DLGAP4: variants seen among roughly 807,000 people sequenced by gnomAD.
DLGAP4 encodes the protein disks large-associated protein 4.
Under a neutral mutation model 86.9 loss-of-function variants are expected in DLGAP4, and 18 were observed. That is an observed-to-expected ratio of 0.21 (90% CI 0.14 to 0.31). The LOEUF is 0.31. DLGAP4 is among the 10% of genes least tolerant of loss of function. The probability of loss-of-function intolerance (pLI) is 1.00; values close to 1 mark genes in which losing one functional copy is unlikely to be tolerated. For synonymous variants in DLGAP4, 548 were observed against 574.3 expected (o/e 0.95, Z 0.65); for missense variants, 1,085 against 1,362.6 (o/e 0.80, Z 3.21).
intron 2 of DLGAP4, among the ~76,000 whole-genome samples, chr20:36,388,186 G>A (rs370715610): frequency 6.6e-5 from 10 of 152,272 alleles, no homozygotes; most frequent in African/African-American, 1.9e-4. Context: ...AAGCCTCCCC[G>A]TCCCCACTTC....
At chr20:36,517,562 C>T (rs2018189129) in intron 10 of DLGAP4, among the ~76,000 whole-genome samples, 3 of 152,008 alleles carry the variant, frequency 2.0e-5, no homozygotes, top group Admixed American at 1.3e-4. Context: ...CCACCGTGCC[C>T]GGCCTAGTAG....
At chr20:36,436,055 G>C (rs543510218) in intron 3 of DLGAP4, 54 bp from the exon 4 acceptor site, 4 of 1,492,114 alleles carry the variant, frequency 2.7e-6, no homozygotes, top group Non-Finnish European at 1.8e-6. Flanking sequence ...GGGGGTTCTC[G>C]CCATCTGCTC....
intron 2 of DLGAP4, among the ~76,000 whole-genome samples, chr20:36,414,245 T>C (rs958368833): frequency 6.6e-6 from 1 of 152,170 alleles, no homozygotes; most frequent in South Asian, 2.1e-4. Context: ...GGGGTGATCC[T>C]GGTCCATCCA....
In DLGAP4 at chr20:36,500,850, C is replaced by A. The variant is rs2147779688; in HGVS notation, c.2512+239C>A. 6.6e-6 allele frequency among the ~76,000 whole-genome samples: 1 copy of A among 152,264 alleles called. No individual in the cohort carries two copies. The highest frequency in any genetic ancestry group is 1.9e-4 in the East Asian group (1 of 5,180). ...GTTTGTTGTGCAGGCTGTGAGGCCACCCACACCTGGGTTTGAATCCCAGCT... is the reference window on the plus strand; with the variant it reads ...GTTTGTTGTGCAGGCTGTGAGGCCAACCACACCTGGGTTTGAATCCCAGCT... On this transcript the variant is annotated intron_variant, in intron 10 of 12. Transcript: ENST00000339266. The surrounding 1 kb of genome is among the most constrained non-coding windows in gnomAD (Gnocchi z 4.6).
At chr20:36,437,168 A>C (rs140847261) in intron 4 of DLGAP4, among the ~76,000 whole-genome samples, 25 of 152,276 alleles carry the variant, frequency 1.6e-4, no homozygotes, top group African/African-American at 5.5e-4. Flanking sequence ...CCTCCATGAG[A>C]TCCTCAGGTT....
At chr20:36,365,530 C>T (rs1402781519) in intron 1 of DLGAP4, among the ~76,000 whole-genome samples, 3 of 152,180 alleles carry the variant, frequency 2.0e-5, no homozygotes, top group African/African-American at 4.8e-5. Context: ...GAGGCTGCAT[C>T]GTCCTGGAGT....
intron 1 of DLGAP4, among the ~76,000 whole-genome samples, chr20:36,333,098 C>T (rs2065286820): frequency 6.6e-6 from 1 of 152,052 alleles, no homozygotes; most frequent in South Asian, 2.1e-4. Flanking sequence ...AACGACTGAA[C>T]ATTTGTTCTG....
At chr20:36,368,568 A>G (rs1385580631) in intron 2 of DLGAP4, among the ~76,000 whole-genome samples, 1 of 152,178 alleles carries the variant, frequency 6.6e-6, no homozygotes, top group Non-Finnish European at 1.5e-5. Flanking sequence ...CTCCCGACCC[A>G]GCTCCTAGTC....
intron 1 of DLGAP4, among the ~76,000 whole-genome samples, chr20:36,329,887 C>T (rs1476314002): frequency 1.3e-5 from 2 of 152,086 alleles, no homozygotes; most frequent in Non-Finnish European, 2.9e-5. Flanking sequence ...AAAAATTAGC[C>T]AGGCATGGTG....
rs1172218931 is a variant in DLGAP4 at position 36,518,377 on chromosome 20, TTTG to T, written c.2513-5870_2513-5868del. Among the ~76,000 whole-genome samples the T allele has an allele frequency of 2.8e-4, 43 of 152,210 alleles. 1 individual carries two copies. Among genetic ancestry groups the T allele is most frequent in the Non-Finnish European group, 1.6e-4 (11 of 68,044 alleles). ...TTTGATCTTGATCAGTCTGACAGGGTTTGTTAATTTTATTAATCCTCTTATTTT... is the reference window on the plus strand; with the variant it reads ...TTTGATCTTGATCAGTCTGACAGGGTTTAATTTTATTAATCCTCTTATTTT... On this transcript the variant is annotated intron_variant, in intron 10 of 12. Transcript: ENST00000339266.
At chr20:36,315,050 GCCCCCC>G (rs1569451850) in intron 1 of DLGAP4, among the ~76,000 whole-genome samples, 4 of 140,426 alleles carry the variant, frequency 2.8e-5, no homozygotes, top group Admixed American at 7.0e-5. Flanking sequence ...GGTGTGTTGC[GCCCCCC>G]CGTGTGTGGT....
chr20:36,501,955 A>G (rs2036161232), intron 10 of DLGAP4, among the ~76,000 whole-genome samples: 1 of 152,202 alleles, frequency 6.6e-6, no homozygotes, highest in Non-Finnish European at 1.5e-5. Context: ...GAAAACATCC[A>G]GCCCACCGCC....
chr20:36,375,768 A>G (rs1236230903), intron 2 of DLGAP4, among the ~76,000 whole-genome samples: 2 of 152,012 alleles, frequency 1.3e-5, no homozygotes, highest in Non-Finnish European at 2.9e-5. Context: ...GGCAGGAGGG[A>G]GTGAGGGATG....
chr20:36,446,616 C>A, intron 6 of DLGAP4, 81 bp from the exon 7 acceptor site: 1 of 1,382,138 alleles, frequency 7.2e-7, no homozygotes, highest in Non-Finnish European at 9.9e-7. Context: ...TCCAGCCCTG[C>A]CCTGAGCCCA....
In DLGAP4 at chr20:36,415,095, G is replaced by A. The variant is rs139921805; in HGVS notation, c.-72-16551G>A. On this transcript the variant is annotated intron_variant, in intron 2 of 12. Coordinates refer to ENST00000339266, the MANE Select transcript of DLGAP4 (RefSeq NM_001365621.2). ...AGCCTGACCAACATGGTGAAACCCC[G>A]TCTCTACTAAAAATACAAAAATTAG... Among the ~76,000 whole-genome samples, 160 of 152,056 alleles carry A rather than the reference G, an allele frequency of 1.1e-3. 3 individuals are homozygous for A. In the East Asian group the frequency reaches 0.024, roughly 23 times the overall value.
At chr20:36,409,505 C>T (rs1447479618) in intron 2 of DLGAP4, among the ~76,000 whole-genome samples, 4 of 150,122 alleles carry the variant, frequency 2.7e-5, no homozygotes, top group African/African-American at 4.9e-5. Context: ...GGGCAGATCA[C>T]CCAAGGTCAG....
intron 7 of DLGAP4, among the ~76,000 whole-genome samples, chr20:36,469,659 G>A (rs1319207559): frequency 3.3e-5 from 5 of 151,654 alleles, no homozygotes; most frequent in Non-Finnish European, 7.4e-5. Flanking sequence ...AGGCTGAGGC[G>A]GGAGAATTGC....
Position 36,522,244 on chromosome 20 carries a change from C to T in DLGAP4, c.2513-2006C>T, listed in dbSNP as rs577761391. Among the ~76,000 whole-genome samples, 6 of 152,132 alleles carry T rather than the reference C, an allele frequency of 3.9e-5. No individual in the cohort carries two copies. In the South Asian group the frequency reaches 1.2e-3, roughly 32 times the overall value. ...ATCATAGTTCACTGCAGCCTTGAAA[C>T]CCTGGGTTCAAACAATCCTCCCGCC... is the stretch of plus-strand genomic sequence containing the variant. On this transcript the variant is annotated intron_variant, in intron 10 of 12. Coordinates refer to ENST00000339266, the MANE Select transcript of DLGAP4 (RefSeq NM_001365621.2).
rs2065029113 is a variant in DLGAP4, at chr20:36,308,930, T to C, written c.-304+2418T>C. 6.6e-6 allele frequency among the ~76,000 whole-genome samples: 1 copy of C among 152,136 alleles called. No homozygotes were observed. Among genetic ancestry groups the C allele is most frequent in the Non-Finnish European group, 1.5e-5 (1 of 68,016 alleles). On this transcript the variant is annotated intron_variant, in intron 1 of 12. Transcript: ENST00000339266. This position sits in a 1 kb window ranked among gnomAD's most constrained non-coding sequence, Gnocchi z 4.5. Reference sequence around the variant, plus strand: ...CACAGTAGGTACTCAATAAATGTCATGGCTCCCAGGATGAAACCCAACCTC... The same window carrying C: ...CACAGTAGGTACTCAATAAATGTCACGGCTCCCAGGATGAAACCCAACCTC...
Sources: allele counts gnomAD v4.1 joint callset (sites outside exome capture counted in the v4.1 genomes callset), GRCh38; gene constraint gnomAD v4.1.1; non-coding constraint Gnocchi (gnomAD v3.1); transcripts MANE v1.5; gene names NCBI Gene and HGNC (gene_info 2026-07-23, HGNC 2026-07-21).